Variants in IL1RL1 observed in about 807,000 individuals in gnomAD.
The protein encoded by IL1RL1 is interleukin 1 receptor like 1.
In IL1RL1, 32 loss-of-function variants were observed where a neutral mutation model predicts 50.9. The observed-to-expected ratio is 0.63, with a 90% confidence interval of 0.47 to 0.84. The LOEUF is 0.84. Among genes scored for constraint, IL1RL1 ranks in the 40% least tolerant of loss-of-function variants. The pLI is 0.00. For synonymous variants in IL1RL1, 275 were observed against 236.0 expected, an observed-to-expected ratio of 1.17 and a Z score of -1.51; for missense variants, 773 against 662.9, an observed-to-expected ratio of 1.17 and a Z score of -1.82.
intron 1 of IL1RL1, among the ~76,000 whole-genome samples, chr2:102,312,529 T>G (rs756676598): frequency 1.8e-4 from 27 of 151,738 alleles, no homozygotes; most frequent in Non-Finnish European, 2.2e-4. Context: ...ATCCACAAAA[T>G]CCAGCAGTGT....
At position 102,350,803 on chromosome 2, in the gene IL1RL1, C is replaced by T. The variant is rs147373630; in HGVS notation, c.1286-733C>T. ...CTGGGAGCACCTCTTCTCAGCTGGC[C>T]TGCCTCATGCATCTGCAATCCCTCA... is the stretch of plus-strand genomic sequence containing the variant. On this transcript the variant is annotated intron_variant, in intron 10 of 10. Transcript: ENST00000233954. 1.3e-3 allele frequency among the ~76,000 whole-genome samples: 195 copies of T among 148,302 alleles called. 1 individual carries two copies. The highest frequency in any genetic ancestry group is 4.7e-3 in the African/African-American group (187 of 39,466).
rs756140085 is a variant in IL1RL1, at chr2:102,343,468, A to G, written c.970+53A>G. ...ACCTGAACTTTCTCTAGCAAGTGTA[A>G]GCAGAATGGAGTGTGGTTCCAAGAG... On this transcript the variant is annotated intron_variant, in intron 8 of 10. Transcript: ENST00000233954. The G allele has an allele frequency of 8.1e-6, 13 of 1,613,788 alleles. No homozygotes were observed. In the Admixed American group the frequency reaches 1.0e-4, roughly 12 times the overall value.
intron 9 of IL1RL1, among the ~76,000 whole-genome samples, 191 bp downstream of exon 9, chr2:102,348,282 C>T (rs13017455): frequency 0.36 from 55,278 of 152,016 alleles, 10,219 homozygotes; most frequent in Middle Eastern, 0.54. Flanking sequence ...TAAATCCTCA[C>T]GGTCCTGAGA....
At chr2:102,348,273 A>G (rs1181151050) in intron 9 of IL1RL1, among the ~76,000 whole-genome samples, 182 bp downstream of exon 9, 1 of 152,182 alleles carries the variant, frequency 6.6e-6, no homozygotes, top group Non-Finnish European at 1.5e-5. Context: ...CCTGCTATGT[A>G]AATCCTCACG....
chr2:102,327,628 A>G (rs1241246571), intron 1 of IL1RL1, among the ~76,000 whole-genome samples: 5 of 152,232 alleles, frequency 3.3e-5, no homozygotes, highest in Admixed American at 2.6e-4. Context: ...AAAGAAGAAA[A>G]GGGAGAAGAA....
intron 1 of IL1RL1, among the ~76,000 whole-genome samples, chr2:102,322,894 T>C (rs1676875350): frequency 6.6e-6 from 1 of 152,196 alleles, no homozygotes; most frequent in South Asian, 2.1e-4. Flanking sequence ...TGATATGTAA[T>C]ATGTAGTCTT....
At chr2:102,318,205 A>T (rs994755564) in intron 1 of IL1RL1, among the ~76,000 whole-genome samples, 1 of 152,200 alleles carries the variant, frequency 6.6e-6, no homozygotes, top group African/African-American at 2.4e-5. Context: ...CAGTGCAAAG[A>T]CTAGTGCAAT....
In IL1RL1 at chr2:102,351,918, A is replaced by G. The variant is rs1169379694; in HGVS notation, c.1668A>G (p.Gln556=). The G allele has an allele frequency of 2.5e-6, 4 of 1,605,806 alleles. No individual in the cohort carries two copies. The highest frequency in any genetic ancestry group is 2.2e-5 in the East Asian group (1 of 44,860). Residue 556 remains glutamine, a synonymous_variant, in exon 11 of 11, where the codon CAA becomes CAG. Coordinates refer to ENST00000233954, the MANE Select transcript of IL1RL1 (RefSeq NM_016232.5). The stretch of plus-strand genomic sequence containing the variant: ...TGACTCCCTTGGCTGCCCAGAAGCA[A>G]TAGTGCCTGCTGTGATGTGCAAAGG... ...SSLTPLAAQK[Q]
chr2:102,350,283 C>T (rs1333594420), intron 10 of IL1RL1, among the ~76,000 whole-genome samples: 2 of 152,232 alleles, frequency 1.3e-5, no homozygotes, highest in African/African-American at 2.4e-5. Context: ...AACAATGTGC[C>T]ACATCTGGCC....
chr2:102,329,800 C>T (rs1356120535), intron 1 of IL1RL1, among the ~76,000 whole-genome samples: 1 of 152,182 alleles, frequency 6.6e-6, no homozygotes, highest in Non-Finnish European at 1.5e-5. Flanking sequence ...TACCATCTCA[C>T]ACCAGTTAGA....
intron 1 of IL1RL1, among the ~76,000 whole-genome samples, chr2:102,312,689 G>T (rs1230049149): frequency 6.6e-6 from 1 of 151,916 alleles, no homozygotes; most frequent in African/African-American, 2.4e-5. Context: ...ATATGAGAAG[G>T]CCCTCTTGAG....
chr2:102,327,724 C>A (rs1437721230), intron 1 of IL1RL1, among the ~76,000 whole-genome samples: 2 of 152,308 alleles, frequency 1.3e-5, no homozygotes, highest in South Asian at 4.1e-4. Context: ...ATACTATAAA[C>A]ACCTCTATGC....
At position 102,349,226 on chromosome 2, in the gene IL1RL1, G is replaced by A. The variant is rs199998092; in HGVS notation, c.1265G>A (p.Arg422Lys). The A allele has an allele frequency of 3.7e-6, 6 of 1,613,616 alleles. No homozygotes were observed. The highest frequency in any genetic ancestry group is 5.1e-6 in the Non-Finnish European group (6 of 1,179,564). ...GGCTATACCTTATGCATTTATGGGA[G>A]AGATATGCTACCTGGAGAAGGTAAA... ...KCGYTLCIYG[R>K]DMLPGEDVVT... The change falls in exon 10 of 11, where the codon AGA becomes AAA. Residue 422 changes from arginine (R) to lysine (K), a missense_variant. Transcript: ENST00000233954.
At chr2:102,347,222 A>G (rs768788820) in intron 8 of IL1RL1, among the ~76,000 whole-genome samples, 5 of 152,128 alleles carry the variant, frequency 3.3e-5, no homozygotes, top group Non-Finnish European at 7.4e-5. Context: ...CTTTCTCATT[A>G]TTGCATGAGT....
At chr2:102,336,879 G>T (rs1331702263) in intron 1 of IL1RL1, among the ~76,000 whole-genome samples, 2 of 152,098 alleles carry the variant, frequency 1.3e-5, no homozygotes, top group East Asian at 3.9e-4. Flanking sequence ...CACCAATGCT[G>T]CCAAGGCTGG....
At chr2:102,328,034 C>T (rs917526087) in intron 1 of IL1RL1, among the ~76,000 whole-genome samples, 17 of 152,142 alleles carry the variant, frequency 1.1e-4, no homozygotes, top group African/African-American at 4.1e-4. Flanking sequence ...ATACCAAAGC[C>T]TGGCAGAGAC....
intron 10 of IL1RL1, among the ~76,000 whole-genome samples, chr2:102,350,523 T>G (rs1223874614): frequency 1.3e-5 from 2 of 152,268 alleles, no homozygotes; most frequent in African/African-American, 4.8e-5. Flanking sequence ...CACTCTTCAC[T>G]TAGGAAAGTT....
chr2:102,337,960 A>G (rs1331612827), intron 1 of IL1RL1, among the ~76,000 whole-genome samples, 156 bp from the exon 2 acceptor site: 1 of 152,222 alleles, frequency 6.6e-6, no homozygotes, highest in Non-Finnish European at 1.5e-5. Context: ...TTCCATAGGA[A>G]TAAGTGCAAT....
rs142829245 is a variant in IL1RL1 at position 102,341,427 on chromosome 2, A to G, written c.610+599A>G. 278 of 782,566 alleles carry G rather than the reference A, an allele frequency of 3.6e-4. 3 individuals carry two copies. In the African/African-American group the frequency reaches 4.9e-3, roughly 14 times the overall value. The allele number at this position is 782,566 out of a possible 1,614,324, so 48.5% of individuals were successfully genotyped here. A position where few individuals can be genotyped will look rare whatever the true frequency, so the allele number is the denominator to read the frequency against. On this transcript the variant is annotated intron_variant, in intron 5 of 10. Transcript: ENST00000233954. ...ATTTTATAAAAGCTTATTTAAGGGAAAGATTTCACAATCATAGCTTATCAA... is the reference window on the plus strand; with the variant it reads ...ATTTTATAAAAGCTTATTTAAGGGAGAGATTTCACAATCATAGCTTATCAA...
Sources: gnomAD v4.1 joint callset for allele counts (sites outside exome capture counted in the v4.1 genomes callset) on GRCh38, gnomAD v4.1.1 for gene constraint, MANE v1.5 for transcripts, NCBI Gene and HGNC (gene_info 2026-07-23, HGNC 2026-07-21) for gene names.